The following CPXM2 variants were observed in gnomAD, a reference collection of about 807,000 sequenced individuals.
The protein encoded by CPXM2 is carboxypeptidase X, M14 family member 2.
CPXM2 carries 66 observed loss-of-function variants against 86.1 expected under a neutral mutation model. The observed-to-expected ratio is 0.77, with a 90% CI of 0.63 to 0.94. CPXM2 has a LOEUF of 0.94. Among genes scored for constraint, CPXM2 ranks in the 40% least tolerant of loss-of-function variants. CPXM2 has a pLI of 0.00. For synonymous variants in CPXM2, 388 were observed against 400.2 expected, an observed-to-expected ratio of 0.97 and a Z score of 0.36; for missense variants, 948 against 1,026.3, an observed-to-expected ratio of 0.92 and a Z score of 1.04.
At chr10:123,825,415 G>A (rs1848025699) in intron 4 of CPXM2, among the ~76,000 whole-genome samples, 1 of 152,230 alleles carries the variant, frequency 6.6e-6, no homozygotes, top group African/African-American at 2.4e-5. Flanking sequence ...ATACGGCACA[G>A]ACCTGATGCC....
chr10:123,937,918 C>T (rs1322210312), intron 2 of CPXM2, among the ~76,000 whole-genome samples: 1 of 152,178 alleles, frequency 6.6e-6, no homozygotes, highest in Non-Finnish European at 1.5e-5. Flanking sequence ...ACCCCAGTGT[C>T]TATTTCTGGT....
At chr10:123,828,961 CAA>C (rs1848103892) in intron 4 of CPXM2, among the ~76,000 whole-genome samples, 1 of 152,078 alleles carries the variant, frequency 6.6e-6, no homozygotes, top group Non-Finnish European at 1.5e-5. Context: ...AAAATATTTA[CAA>C]ACCACATGTC....
chr10:123,880,252 T>C lies in CPXM2; in HGVS notation c.362A>G (p.Asp121Gly), dbSNP rs762923770. The change falls in exon 2 of 14, where the codon GAT (aspartate) becomes GGT (glycine). Residue 121 changes from aspartate to glycine, a missense_variant. Physicochemically the swap from Asp to Gly is moderately conservative, Grantham distance 94 (BLOSUM62 -1). Coordinates refer to ENST00000241305, the MANE Select transcript of CPXM2 (RefSeq NM_198148.3). ...ACGGGCCACACGGACACTGTGATCATCGTTGGCAGCCTTCTCAGAGCTCTT... is the reference window on the plus strand; with the variant it reads ...ACGGGCCACACGGACACTGTGATCACCGTTGGCAGCCTTCTCAGAGCTCTT... ...RTKSSEKAAN[D>G]DHSVRVARED... 1 of 1,593,118 alleles carries C rather than the reference T, an allele frequency of 6.3e-7. No homozygotes were observed. Among genetic ancestry groups the C allele is most frequent in the South Asian group, 1.1e-5 (1 of 90,690 alleles).
At chr10:123,884,677 T>C (rs1007081843) in intron 1 of CPXM2, among the ~76,000 whole-genome samples, 1 of 152,182 alleles carries the variant, frequency 6.6e-6, no homozygotes, top group Non-Finnish European at 1.5e-5. Context: ...TAGACCAAAA[T>C]CAATCAATCA....
rs79452393 is a variant in CPXM2, at chr10:123,881,330, C to T, written c.305-1021G>A. Reference sequence around the variant, plus strand: ...TCAGCTCTGGCATCGCCTCCTTAAACTTTCCCGACCTCCCCACCAAATCAA... The same window carrying T: ...TCAGCTCTGGCATCGCCTCCTTAAATTTTCCCGACCTCCCCACCAAATCAA... On this transcript the variant is annotated intron_variant, in intron 1 of 13. Coordinates refer to ENST00000241305, the MANE Select transcript of CPXM2 (RefSeq NM_198148.3). 7.6e-3 allele frequency among the ~76,000 whole-genome samples: 1,146 copies of T among 150,120 alleles called. 9 individuals carry two copies. The highest frequency in any genetic ancestry group is 0.027 in the African/African-American group (1,071 of 40,386).
chr10:123,784,811 A>G (rs753403643), intron 6 of CPXM2, among the ~76,000 whole-genome samples: 63 of 152,210 alleles, frequency 4.1e-4, no homozygotes, highest in Non-Finnish European at 6.8e-4. Context: ...AGCTATGATG[A>G]CTAAGCCTTC....
intron 4 of CPXM2, among the ~76,000 whole-genome samples, chr10:123,822,964 G>C (rs1176742829): frequency 6.6e-6 from 1 of 152,004 alleles, no homozygotes; most frequent in East Asian, 1.9e-4. Context: ...ACAACCTTAG[G>C]AATATATTAA....
In CPXM2 at chr10:123,746,791, C is replaced by T; in HGVS notation, c.2244G>A (p.Arg748=). ...VSLPARRLKL[R]GQKRRQRG The stretch of plus-strand genomic sequence containing the variant: ...ACCCACGCTGTCGTCTCTTCTGCCC[C>T]CGCAGCTTCAGCCGCCTGGCTGGCA... Residue 748 remains arginine (R), a synonymous_variant, in exon 14 of 14, where the codon CGG becomes CGA. Transcript: ENST00000241305. 2 of 1,614,210 alleles carry T rather than the reference C, an allele frequency of 1.2e-6. No individual in the cohort carries two copies. The highest frequency in any genetic ancestry group is 8.5e-7 in the Non-Finnish European group (1 of 1,180,024).
At chr10:123,880,632 A>G (rs1272132838) in intron 1 of CPXM2, among the ~76,000 whole-genome samples, 6 of 152,020 alleles carry the variant, frequency 3.9e-5, no homozygotes, top group Non-Finnish European at 7.4e-5. Flanking sequence ...GATCAAGACC[A>G]TCCTGGCTAA....
chr10:123,925,357 T>G (rs1320534987), intron 2 of CPXM2, among the ~76,000 whole-genome samples: 1 of 151,552 alleles, frequency 6.6e-6, no homozygotes, highest in Non-Finnish European at 1.5e-5. Context: ...AGAAAGAATC[T>G]CACACACTTA....
chr10:123,881,225 A>C (rs1945083375), intron 1 of CPXM2, among the ~76,000 whole-genome samples: 9 of 52,930 alleles, frequency 1.7e-4, no homozygotes, highest in African/African-American at 5.4e-4. Flanking sequence ...CTCCTGGAGC[A>C]CCCTTCTCTT....
intron 13 of CPXM2, among the ~76,000 whole-genome samples, chr10:123,749,619 A>G (rs1329236323): frequency 6.6e-6 from 1 of 151,734 alleles, no homozygotes; most frequent in African/African-American, 2.4e-5. Flanking sequence ...TGTATCTCAC[A>G]CCCCTTTGTT....
chr10:123,867,922 C>T (rs1270973588), intron 2 of CPXM2, among the ~76,000 whole-genome samples: 1 of 152,096 alleles, frequency 6.6e-6, no homozygotes, highest in Non-Finnish European at 1.5e-5. Context: ...CTAAGGGGAA[C>T]AATACTACAG....
At chr10:123,942,459 C>A (rs1945785991), upstream of CPXM2, among the ~76,000 whole-genome samples, 1 of 152,196 alleles carries the variant, frequency 6.6e-6, no homozygotes, top group Non-Finnish European at 1.5e-5. Context: ...ACAGAAATGA[C>A]CTCTGGTCAT....
At chr10:123,803,654 TTTTTTG>T (rs979165512) in intron 4 of CPXM2, among the ~76,000 whole-genome samples, 15 of 152,008 alleles carry the variant, frequency 9.9e-5, no homozygotes, top group South Asian at 6.3e-4. Context: ...TTTTCTTCTG[TTTTTTG>T]TTTTTGTTTT....
chr10:123,821,590 T>C (rs1189842091), intron 4 of CPXM2, among the ~76,000 whole-genome samples: 1 of 152,216 alleles, frequency 6.6e-6, no homozygotes, highest in African/African-American at 2.4e-5. Flanking sequence ...AAGGCAGGTA[T>C]ACCAATTGTA....
chr10:123,842,577 G>T (rs960050632), intron 3 of CPXM2, 89 bp from the exon 4 acceptor site: 10 of 1,314,246 alleles, frequency 7.6e-6, no homozygotes, highest in Non-Finnish European at 1.1e-5. Flanking sequence ...GAGGAAGGGA[G>T]GGAGGATAGG....
intron 7 of CPXM2, among the ~76,000 whole-genome samples, chr10:123,774,506 A>G (rs1474120237): frequency 6.6e-6 from 1 of 152,200 alleles, no homozygotes; most frequent in Admixed American, 6.5e-5. Flanking sequence ...GCCTTTCATA[A>G]CACAACATTC....
At chr10:123,907,993 A>G (rs1362574404) in intron 2 of CPXM2, among the ~76,000 whole-genome samples, 1 of 152,152 alleles carries the variant, frequency 6.6e-6, no homozygotes, top group African/African-American at 2.4e-5. Context: ...TGAGAAAGGA[A>G]GGGAGGAAGC....
Sources: allele counts gnomAD v4.1 joint callset (sites outside exome capture counted in the v4.1 genomes callset), GRCh38; gene constraint gnomAD v4.1.1; transcripts MANE v1.5; gene names NCBI Gene and HGNC (gene_info 2026-07-23, HGNC 2026-07-21).